Variants in ATXN8OS observed in about 807,000 individuals in gnomAD.
ATXN8OS encodes ATXN8 opposite strand lncRNA.
chr13:70,161,155 GA>G lies in ATXN8OS; in HGVS notation n.574-8588del, dbSNP rs538185511. On this transcript the variant is annotated intron_variant and non_coding_transcript_variant, in intron 4 of 4. Transcript: ENST00000678624. ...TTTAAATTTTTTTAATGATTGAATT[GA>G]AAAAAAAAATCTAAGGTTAAACTGA... Among the ~76,000 whole-genome samples the G allele has an allele frequency of 7.2e-3, 1,059 of 146,228 alleles. 10 individuals are homozygous for G. The highest frequency in any genetic ancestry group is 0.024 in the African/African-American group (939 of 39,850).
At chr13:70,137,054 G>A (rs1888627587) in intron 3 of ATXN8OS, among the ~76,000 whole-genome samples, 1 of 152,118 alleles carries the variant, frequency 6.6e-6, no homozygotes, top group African/African-American at 2.4e-5. Flanking sequence ...ATCATTCAAA[G>A]TTCCTTGAAG....
intron 3 of ATXN8OS, among the ~76,000 whole-genome samples, chr13:70,139,807 C>G (rs559289884): frequency 6.6e-6 from 1 of 152,032 alleles, no homozygotes; most frequent in Non-Finnish European, 1.5e-5. Context: ...ATAAAGGTAC[C>G]TTCTTGCTTC....
chr13:70,116,376 G>C (rs1345452739), intron 2 of ATXN8OS, among the ~76,000 whole-genome samples: 1 of 152,094 alleles, frequency 6.6e-6, no homozygotes, highest in Non-Finnish European at 1.5e-5. Context: ...TGATAAGGTG[G>C]TATTTCTCCT....
intron 4 of ATXN8OS, among the ~76,000 whole-genome samples, chr13:70,159,715 A>G (rs1198976033): frequency 6.6e-6 from 1 of 152,142 alleles, no homozygotes; most frequent in Non-Finnish European, 1.5e-5. Context: ...CCTGATCTCA[A>G]TTCTTGGCAA....
chr13:70,155,126 G>A (rs1250494389), intron 4 of ATXN8OS, among the ~76,000 whole-genome samples: 2 of 152,174 alleles, frequency 1.3e-5, no homozygotes, highest in East Asian at 1.9e-4. Context: ...GTTTCAACCC[G>A]AGGTCTCTCT....
At chr13:70,167,136 T>C (rs9542199) in intron 4 of ATXN8OS, among the ~76,000 whole-genome samples, 70,381 of 151,394 alleles carry the variant, frequency 0.46, 19,971 homozygotes, top group Non-Finnish European at 0.63. Context: ...GAACTGGAAA[T>C]ACCATTTGAC....
intron 4 of ATXN8OS, among the ~76,000 whole-genome samples, chr13:70,161,046 A>G (rs1889003189): frequency 6.6e-6 from 1 of 151,628 alleles, no homozygotes; most frequent in Non-Finnish European, 1.5e-5. Context: ...TTATTAGAAA[A>G]TGTCTGAATT....
intron 4 of ATXN8OS, among the ~76,000 whole-genome samples, chr13:70,164,119 G>A (rs1889046159): frequency 6.8e-6 from 1 of 147,018 alleles, no homozygotes; most frequent in Non-Finnish European, 1.5e-5. Context: ...CCTGGGAACA[G>A]GATAATATTA....
At chr13:70,143,915 A>G (rs1366575827) in intron 3 of ATXN8OS, among the ~76,000 whole-genome samples, 1 of 152,166 alleles carries the variant, frequency 6.6e-6, no homozygotes, top group Non-Finnish European at 1.5e-5. Flanking sequence ...TGAGAAGATT[A>G]AAATAAATTC....
intron 1 of ATXN8OS, among the ~76,000 whole-genome samples, chr13:70,110,609 G>C (rs1475274066): frequency 6.6e-6 from 1 of 151,810 alleles, no homozygotes; most frequent in Non-Finnish European, 1.5e-5. Context: ...GACAGAGACA[G>C]GAAAGGAGGA....
intron 4 of ATXN8OS, among the ~76,000 whole-genome samples, chr13:70,167,991 G>T (rs1456451923): frequency 2.0e-5 from 3 of 152,068 alleles, no homozygotes; most frequent in African/African-American, 7.2e-5. Flanking sequence ...CTCCCACAGT[G>T]CTGGGCTTAC....
intron 4 of ATXN8OS, among the ~76,000 whole-genome samples, chr13:70,161,785 T>C (rs1223538508): frequency 6.6e-6 from 1 of 151,348 alleles, no homozygotes; most frequent in Non-Finnish European, 1.5e-5. Context: ...AAAAAAATCA[T>C]AGGATGTACA....
At chr13:70,168,648 T>A (rs958715273) in intron 4 of ATXN8OS, among the ~76,000 whole-genome samples, 1 of 152,034 alleles carries the variant, frequency 6.6e-6, no homozygotes, top group Admixed American at 6.6e-5. Flanking sequence ...CATTTGTCTT[T>A]CTGTTTCTGG....
At chr13:70,161,882 T>C (rs1312062989) in intron 4 of ATXN8OS, among the ~76,000 whole-genome samples, 1 of 152,024 alleles carries the variant, frequency 6.6e-6, no homozygotes. Context: ...AAATGTACCA[T>C]GCAGATGAGA....
chr13:70,139,383 ACTGCTGCTGCTGCTGCTG>A lies in ATXN8OS; in HGVS notation n.500-7943_500-7926del, dbSNP rs193922930. The stretch of plus-strand genomic sequence containing the variant: ...TACTACTACTACTACTACTACTACT[ACTGCTGCTGCTGCTGCTG>A]CTGCTGCTGCTGCTGCTGCTGCTGC... On this transcript the variant is annotated intron_variant and non_coding_transcript_variant, in intron 3 of 4. Coordinates refer to ENST00000678624, the Ensembl canonical transcript of ATXN8OS. The A allele has an allele frequency of 8.5e-3, 3,879 of 457,394 alleles. 43 individuals are homozygous for A. Among genetic ancestry groups the A allele is most frequent in the Non-Finnish European group, 9.6e-3 (2,598 of 270,190 alleles). The allele number at this position is 457,394 out of a possible 1,614,324, so 28.3% of individuals were successfully genotyped here.
At chr13:70,145,757 A>G (rs564032209) in intron 3 of ATXN8OS, among the ~76,000 whole-genome samples, 2 of 152,128 alleles carry the variant, frequency 1.3e-5, no homozygotes, top group Non-Finnish European at 2.9e-5. Flanking sequence ...TTGGGCTGAG[A>G]CAATGGGGTT....
chr13:70,124,377 T>C (rs1456993859), intron 2 of ATXN8OS, among the ~76,000 whole-genome samples: 2 of 151,994 alleles, frequency 1.3e-5, no homozygotes, highest in Admixed American at 6.6e-5. Flanking sequence ...AGCAACCAAA[T>C]AAATAGAGAA....
intron 1 of ATXN8OS, among the ~76,000 whole-genome samples, chr13:70,113,645 T>C (rs1170707115): frequency 6.6e-6 from 1 of 152,162 alleles, no homozygotes; most frequent in Non-Finnish European, 1.5e-5. Context: ...CATATAAATA[T>C]AGATAAAATA....
chr13:70,162,673 T>C lies in ATXN8OS; in HGVS notation n.574-7080T>C, dbSNP rs1593778448. On this transcript the variant is annotated intron_variant and non_coding_transcript_variant, in intron 4 of 4. Transcript: ENST00000678624. ...AACTGTGGAAGGCTTAGGCAAAATA[T>C]TAGGCCTCACAATCTCAAGTGAGAT... 1.3e-5 allele frequency among the ~76,000 whole-genome samples: 2 copies of C among 152,076 alleles called. 1 individual carries two copies. The highest frequency in any genetic ancestry group is 4.1e-4 in the South Asian group (2 of 4,832).
Sources: allele counts gnomAD v4.1 joint callset (sites outside exome capture counted in the v4.1 genomes callset), GRCh38; gene constraint gnomAD v4.1.1; transcripts MANE v1.5; gene names NCBI Gene and HGNC (gene_info 2026-07-23, HGNC 2026-07-21).